The following PRMT9 variants were observed in gnomAD, a reference collection of about 807,000 sequenced individuals.
PRMT9 encodes the protein protein arginine N-methyltransferase 9.
A neutral mutation model predicts 83.2 loss-of-function variants in PRMT9; 59 were observed. The ratio of observed to expected loss-of-function variants is 0.71; its 90% CI spans 0.57 to 0.88. PRMT9 has a LOEUF of 0.88. PRMT9 is among the 40% of genes least tolerant of loss of function. The pLI, the probability that PRMT9 is intolerant of heterozygous loss-of-function variation, is 0.00. For synonymous variants in PRMT9, 333 were observed against 353.2 expected, an observed-to-expected ratio of 0.94 and a Z score of 0.64; for missense variants, 947 against 1,021.9, an observed-to-expected ratio of 0.93 and a Z score of 1.00.
chr4:147,671,854 AT>A (rs1428786706), intron 4 of PRMT9: 2 of 456,128 alleles, frequency 4.4e-6, no homozygotes, highest in African/African-American at 4.0e-5. Context: ...CCCTCTCAAA[AT>A]TCATACTGAA....
chr4:147,683,968 C>T lies in PRMT9; in HGVS notation c.20G>A (p.Arg7Lys), dbSNP rs2126646831. ...GCCACCCCCGGCGTCTCGGCGGGAC[C>T]TGGGCCGCGAGTTCGACATGGCAGT... MSNSRPRSRRDAGGGAG... is the reference protein window; with the variant it reads MSNSRPKSRRDAGGGAG... The change falls in exon 1 of 12, where the codon AGG becomes AAG. Residue 7 changes from arginine (R) to lysine (K), a missense_variant. Arg to Lys is a conservative substitution (Grantham distance 26, BLOSUM62 2). Coordinates refer to ENST00000322396, the MANE Select transcript of PRMT9 (RefSeq NM_138364.4). The T allele has an allele frequency of 1.2e-6, 2 of 1,612,896 alleles. No homozygotes were observed. Among genetic ancestry groups the T allele is most frequent in the African/African-American group, 1.3e-5 (1 of 75,048 alleles).
Position 147,647,952 on chromosome 4 carries a change from C to T in PRMT9, c.2046-5012G>A, listed in dbSNP as rs568884849. Among the ~76,000 whole-genome samples, 18 of 149,332 alleles carry T rather than the reference C, an allele frequency of 1.2e-4. No individual in the cohort carries two copies. The South Asian group carries it at 1.8e-3, about 15-fold the overall frequency. On this transcript the variant is annotated intron_variant, in intron 9 of 11. Coordinates refer to ENST00000322396, the MANE Select transcript of PRMT9 (RefSeq NM_138364.4). ...TGAGTTCAATAATTTGCCAGAATGG[C>T]TCACAGAACTCAGAAAAACACTTTA...
rs1736702411 is a variant in PRMT9, at chr4:147,684,102, G to C, written c.-115C>G. ...ACTGCTCAAAAAACAGCACAGCAAA[G>C]TTACCCTCCGCCGCGGGTGAACTCG... On this transcript the variant is annotated 5_prime_UTR_variant, in exon 1 of 12. Transcript: ENST00000322396. 2 of 1,206,942 alleles carry C rather than the reference G, an allele frequency of 1.7e-6. No individual in the cohort carries two copies. Among genetic ancestry groups the C allele is most frequent in the Non-Finnish European group, 2.4e-6 (2 of 847,506 alleles). 74.8% of individuals were successfully genotyped at this position (1,206,942 alleles called of 1,614,324 possible). A position where few individuals can be genotyped will look rare whatever the true frequency, so the allele number is the denominator to read the frequency against.
intron 7 of PRMT9, 85 bp from the exon 8 acceptor site, chr4:147,658,060 G>C: frequency 1.0e-6 from 1 of 955,032 alleles, no homozygotes; most frequent in Non-Finnish European, 1.6e-6. Flanking sequence ...CATCTCTGGA[G>C]TTCTTAGTCC....
In PRMT9 at chr4:147,684,073, G is replaced by C; in HGVS notation, c.-86C>G. 1 of 1,404,912 alleles carries C rather than the reference G, an allele frequency of 7.1e-7. No homozygotes were observed. Among genetic ancestry groups the C allele is most frequent in the Non-Finnish European group, 9.8e-7 (1 of 1,019,044 alleles). 87.0% of individuals were successfully genotyped at this position (1,404,912 alleles called of 1,614,324 possible). ...CTCGATGCTACACTTCCAGGGACCA[G>C]ACAACTGCTCAAAAAACAGCACAGC... On this transcript the variant is annotated 5_prime_UTR_variant, in exon 1 of 12. Coordinates refer to ENST00000322396, the MANE Select transcript of PRMT9 (RefSeq NM_138364.4).
chr4:147,670,500 T>C lies in PRMT9; in HGVS notation c.846+141A>G, dbSNP rs1002334729. On this transcript the variant is annotated intron_variant, in intron 5 of 11. Transcript: ENST00000322396. ...GGCCAGTAAAAGTTTTTTGCATAGA[T>C]TTCTTTCCAACCACACAGTATGTAC... 1.3e-4 allele frequency: 93 copies of C among 695,122 alleles called. No homozygotes were observed. The Admixed American group carries it at 2.0e-3, about 15-fold the overall frequency. 43.1% of individuals were successfully genotyped at this position (695,122 alleles called of 1,614,324 possible).
At position 147,638,988 on chromosome 4, in the gene PRMT9, T is replaced by C; in HGVS notation, c.2294A>G (p.Tyr765Cys). The change falls in exon 11 of 12, where the codon TAT becomes TGT. Residue 765 changes from tyrosine to cysteine, a missense_variant. Physicochemically the swap from Tyr to Cys is radical, Grantham distance 194. Transcript: ENST00000322396. Reference protein sequence around the residue: ...ELLRLDLMTPYLNTSNREVKV... With the variant: ...ELLRLDLMTPCLNTSNREVKV... The stretch of plus-strand genomic sequence containing the variant: ...TACTTCTCTGTTAGAGGTGTTCAAA[T>C]ACGGAGTCATTAAATCTAGTCTTAA... The C allele has an allele frequency of 6.2e-7, 1 of 1,612,762 alleles. No individual in the cohort carries two copies.
intron 8 of PRMT9, among the ~76,000 whole-genome samples, chr4:147,657,298 G>A (rs1269078931): frequency 6.6e-6 from 1 of 152,066 alleles, no homozygotes; most frequent in East Asian, 1.9e-4. Flanking sequence ...GGCCGAGGTG[G>A]GTGGATCACG....
chr4:147,653,594 C>T (rs567654055), intron 9 of PRMT9, among the ~76,000 whole-genome samples: 1 of 151,974 alleles, frequency 6.6e-6, no homozygotes, highest in Admixed American at 6.6e-5. Context: ...TCTGGTTGCA[C>T]CAAAGTAAGA....
chr4:147,674,575 C>T (rs13434634), intron 2 of PRMT9, among the ~76,000 whole-genome samples: 8,973 of 152,198 alleles, frequency 0.059, 869 homozygotes, highest in African/African-American at 0.2. Flanking sequence ...CCTCCCTTTT[C>T]TTCTTAATTT....
At chr4:147,671,991 A>G (rs1223586134) in intron 4 of PRMT9, 1 of 441,400 alleles carries the variant, frequency 2.3e-6, no homozygotes, top group East Asian at 7.0e-5. Context: ...CACCTTGATC[A>G]TGGTCTTCCA....
intron 9 of PRMT9, among the ~76,000 whole-genome samples, chr4:147,643,773 T>C (rs1560967246): frequency 2.6e-5 from 4 of 152,220 alleles, no homozygotes; most frequent in Non-Finnish European, 4.4e-5. Flanking sequence ...GGTGAGAGGA[T>C]TGCTTGAGCC....
chr4:147,676,392 A>AT (rs1400717439), intron 2 of PRMT9, among the ~76,000 whole-genome samples: 1 of 152,208 alleles, frequency 6.6e-6, no homozygotes, highest in Non-Finnish European at 1.5e-5. Context: ...TAAAATATAG[A>AT]TTTTTTTAAC....
chr4:147,658,681 G>A (rs1283803579), intron 7 of PRMT9, among the ~76,000 whole-genome samples: 1 of 152,196 alleles, frequency 6.6e-6, no homozygotes, highest in East Asian at 1.9e-4. Flanking sequence ...AACAGGTAAG[G>A]AATGCTCTTG....
chr4:147,664,556 C>T (rs983559085), intron 6 of PRMT9, among the ~76,000 whole-genome samples: 1 of 152,126 alleles, frequency 6.6e-6, no homozygotes. Flanking sequence ...ATCCTCAAAG[C>T]ATCAAATCTG....
chr4:147,660,070 G>C (rs1734850787), intron 7 of PRMT9, among the ~76,000 whole-genome samples: 1 of 152,154 alleles, frequency 6.6e-6, no homozygotes, highest in Non-Finnish European at 1.5e-5. Flanking sequence ...TAGAGATTTG[G>C]ATTATTGTTC....
chr4:147,670,883 G>T, intron 4 of PRMT9, 140 bp from the exon 5 acceptor site: 1 of 632,114 alleles, frequency 1.6e-6, no homozygotes, highest in Non-Finnish European at 2.8e-6. Flanking sequence ...TCATTTTTAA[G>T]ATCTACTACT....
intron 9 of PRMT9, among the ~76,000 whole-genome samples, chr4:147,647,698 T>C (rs1733820168): frequency 6.6e-6 from 1 of 152,064 alleles, no homozygotes; most frequent in African/African-American, 2.4e-5. Context: ...AATTTTTGTA[T>C]TTTTAGTAGA....
intron 7 of PRMT9, among the ~76,000 whole-genome samples, chr4:147,658,766 G>A (rs1734713770): frequency 6.6e-6 from 1 of 152,064 alleles, no homozygotes; most frequent in African/African-American, 2.4e-5. Context: ...AGAACAATGT[G>A]GTAACAAATA....
Sources: gnomAD v4.1 joint callset for allele counts (sites outside exome capture counted in the v4.1 genomes callset) on GRCh38, gnomAD v4.1.1 for gene constraint, MANE v1.5 for transcripts, NCBI Gene and HGNC (gene_info 2026-07-23, HGNC 2026-07-21) for gene names.